SLC24A3: variants seen among roughly 807,000 people sequenced by gnomAD.
SLC24A3 encodes sodium/potassium/calcium exchanger 3.
Under a neutral mutation model 75.8 loss-of-function variants are expected in SLC24A3, and 28 were observed. That is an observed-to-expected ratio of 0.37 (90% CI 0.27 to 0.51). The LOEUF is 0.51. Among genes scored for constraint, SLC24A3 ranks in the 20% least tolerant of loss-of-function variants. The probability of loss-of-function intolerance (pLI) is 0.94; values close to 1 mark genes in which losing one functional copy is unlikely to be tolerated. For synonymous variants in SLC24A3, 372 were observed against 334.1 expected (o/e 1.11, Z -1.24); for missense variants, 663 against 847.8 (o/e 0.78, Z 2.71).
intron 2 of SLC24A3, among the ~76,000 whole-genome samples, chr20:19,401,866 C>T (rs972228996): frequency 2.0e-5 from 3 of 152,196 alleles, no homozygotes; most frequent in Non-Finnish European, 2.9e-5. Flanking sequence ...GGAATTCACT[C>T]GTGGGATTGA....
intron 3 of SLC24A3, among the ~76,000 whole-genome samples, chr20:19,577,579 T>A (rs553041490): frequency 6.6e-6 from 1 of 152,204 alleles, no homozygotes; most frequent in Admixed American, 6.5e-5. Context: ...AATATAGTTA[T>A]GGATTATAAA....
intron 6 of SLC24A3, 133 bp from the exon 7 acceptor site, chr20:19,653,929 T>C: frequency 1.6e-6 from 1 of 612,980 alleles, no homozygotes; most frequent in Non-Finnish European, 2.8e-6. Flanking sequence ...AATACTTGAA[T>C]AAATTCCGAT....
chr20:19,673,126 C>T (rs1012250656), intron 8 of SLC24A3, among the ~76,000 whole-genome samples: 1 of 152,308 alleles, frequency 6.6e-6, no homozygotes, highest in African/African-American at 2.4e-5. Context: ...CCTTCCCTGC[C>T]CAGGTTCCGT....
chr20:19,269,202 T>C (rs956201768), intron 1 of SLC24A3, among the ~76,000 whole-genome samples: 36 of 152,264 alleles, frequency 2.4e-4, no homozygotes, highest in South Asian at 4.1e-4. Flanking sequence ...GTAGCTACCA[T>C]GTTGGACAGT....
chr20:19,312,461 A>G (rs1014190745), intron 2 of SLC24A3, among the ~76,000 whole-genome samples: 32 of 152,226 alleles, frequency 2.1e-4, no homozygotes, highest in Non-Finnish European at 5.9e-5. Context: ...GTACTGAACT[A>G]TACAGGGTAA....
In SLC24A3 at chr20:19,722,528, A is replaced by G. The variant is rs1002807404; in HGVS notation, c.*1388A>G. The G allele has an allele frequency of 6.5e-6, 1 of 152,698 alleles. No individual in the cohort carries two copies. Among genetic ancestry groups the G allele is most frequent in the Non-Finnish European group, 1.5e-5 (1 of 68,062 alleles). The allele number at this position is 152,698 out of a possible 1,614,324, so 9.5% of individuals were successfully genotyped here. On this transcript the variant is annotated 3_prime_UTR_variant, in exon 17 of 17. Transcript: ENST00000328041. ...ATTATTATGCAGACTAATTCCACCC[A>G]GTTGAGACACACCATGCTTGTTCAC...
rs545861681 is a variant in SLC24A3 at position 19,355,571 on chromosome 20, G to T, written c.271+74484G>T. ...CCACTGGACCCTTGGAGAATCCCCA[G>T]CCCTTCTGGAATGTGCAGGGATTTC... is the stretch of plus-strand genomic sequence containing the variant. On this transcript the variant is annotated intron_variant, in intron 2 of 16. Transcript: ENST00000328041. 1.1e-4 allele frequency among the ~76,000 whole-genome samples: 16 copies of T among 152,300 alleles called. No homozygotes were observed. The South Asian group carries it at 3.3e-3, about 32-fold the overall frequency.
intron 2 of SLC24A3, among the ~76,000 whole-genome samples, chr20:19,493,716 T>A (rs1306360403): frequency 2.0e-5 from 3 of 151,962 alleles, no homozygotes; most frequent in Non-Finnish European, 4.4e-5. Flanking sequence ...AGAATCTTAG[T>A]TGGGGGGATC....
At chr20:19,360,112 C>T (rs1205224617) in intron 2 of SLC24A3, among the ~76,000 whole-genome samples, 2 of 152,166 alleles carry the variant, frequency 1.3e-5, no homozygotes, top group Non-Finnish European at 2.9e-5. Flanking sequence ...AGTGCTAACA[C>T]CGTGCTAATA....
At chr20:19,532,941 A>G (rs535487192) in intron 3 of SLC24A3, among the ~76,000 whole-genome samples, 17 of 152,262 alleles carry the variant, frequency 1.1e-4, no homozygotes, top group Non-Finnish European at 2.1e-4. Context: ...AAGCAGACAG[A>G]TATCAGCTGT....
chr20:19,267,738 A>T (rs1983209471), intron 1 of SLC24A3, among the ~76,000 whole-genome samples: 1 of 152,136 alleles, frequency 6.6e-6, no homozygotes, highest in African/African-American at 2.4e-5. Context: ...TGCTCTCTCC[A>T]TAGAGCAAAT....
intron 2 of SLC24A3, among the ~76,000 whole-genome samples, chr20:19,406,587 T>C (rs1986650577): frequency 6.6e-6 from 1 of 152,174 alleles, no homozygotes; most frequent in Non-Finnish European, 1.5e-5. Context: ...AAGACACATG[T>C]TGACACATTT....
At chr20:19,497,345 AC>A (rs1219929034) in intron 2 of SLC24A3, among the ~76,000 whole-genome samples, 1 of 152,194 alleles carries the variant, frequency 6.6e-6, no homozygotes, top group Non-Finnish European at 1.5e-5. Flanking sequence ...GGAGAAAGAT[AC>A]TTACCGCAAG....
chr20:19,381,011 G>T (rs1420114961), intron 2 of SLC24A3, among the ~76,000 whole-genome samples: 2 of 152,156 alleles, frequency 1.3e-5, no homozygotes, highest in African/African-American at 4.8e-5. Context: ...GGGTCAGGGG[G>T]CAAAGGGTGG....
intron 2 of SLC24A3, among the ~76,000 whole-genome samples, chr20:19,439,775 A>G (rs1047220774): frequency 2.6e-5 from 4 of 152,208 alleles, no homozygotes; most frequent in Non-Finnish European, 2.9e-5. Context: ...AAATAATGGA[A>G]TGCCTCGCTG....
intron 2 of SLC24A3, among the ~76,000 whole-genome samples, chr20:19,352,378 G>A (rs1985589352): frequency 6.6e-6 from 1 of 152,118 alleles, no homozygotes; most frequent in Non-Finnish European, 1.5e-5. Context: ...AGAGAGACCT[G>A]GGCCAGCACC....
intron 3 of SLC24A3, among the ~76,000 whole-genome samples, chr20:19,569,566 C>G (rs916362917): frequency 6.6e-6 from 1 of 152,172 alleles, no homozygotes; most frequent in Non-Finnish European, 1.5e-5. Context: ...CAGCCTCTAA[C>G]GACCTTAGCC....
chr20:19,246,917 CAA>C (rs778033813), intron 1 of SLC24A3, among the ~76,000 whole-genome samples: 160 of 152,142 alleles, frequency 1.1e-3, no homozygotes, highest in Admixed American at 1.8e-3. Flanking sequence ...ATATAATTAT[CAA>C]TTAAGAAATA....
chr20:19,694,076 T>A (rs2032777271), intron 13 of SLC24A3: 1 of 152,262 alleles, frequency 6.6e-6, no homozygotes, highest in Non-Finnish European at 1.5e-5. Flanking sequence ...GGGTCCCTTC[T>A]GAGGCTAAAA....
Sources: allele counts gnomAD v4.1 joint callset (sites outside exome capture counted in the v4.1 genomes callset), GRCh38; gene constraint gnomAD v4.1.1; transcripts MANE v1.5; gene names NCBI Gene and HGNC (gene_info 2026-07-23, HGNC 2026-07-21).